Variants in F8 observed in about 807,000 individuals in gnomAD.
F8 encodes the protein antihemophilic factor.
A neutral mutation model predicts 140.6 loss-of-function variants in F8; 12 were observed. That is an observed-to-expected ratio of 0.09 (90% CI 0.05 to 0.14). The LOEUF is 0.14. Ranked by LOEUF, F8 falls within the 10% of genes least tolerant of loss-of-function variation. The pLI, the probability that F8 is intolerant of heterozygous loss-of-function variation, is 1.00. For synonymous variants in F8, 585 were observed against 614.6 expected (o/e 0.95, Z 0.71); for missense variants, 1,354 against 1,720.7 (o/e 0.79, Z 3.77).
chrX:154,986,014 T>C (rs1199362841), intron 5 of F8, among the ~76,000 whole-genome samples: 1 of 112,292 alleles, frequency 8.9e-6, no homozygotes, highest in Non-Finnish European at 1.9e-5. Context: ...AGCAGGCATC[T>C]AATCCAGACT....
intron 7 of F8, 62 bp from the exon 8 acceptor site, chrX:154,966,749 G>C: frequency 1.8e-6 from 2 of 1,130,262 alleles, no homozygotes; most frequent in Non-Finnish European, 2.4e-6. Flanking sequence ...TTCTATACCA[G>C]AGACTAGGTA....
chrX:155,009,070 CA>C (rs1383532668), intron 1 of F8, among the ~76,000 whole-genome samples: 2 of 110,817 alleles, frequency 1.8e-5, no homozygotes, highest in African/African-American at 6.6e-5. Flanking sequence ...GGAACACAAC[CA>C]GTAACATTAA....
At chrX:154,979,196 G>A (rs2073503586) in intron 6 of F8, among the ~76,000 whole-genome samples, 1 of 111,893 alleles carries the variant, frequency 8.9e-6, no homozygotes, top group Non-Finnish European at 1.9e-5. Flanking sequence ...ATCTCAAGTG[G>A]TCTGTGCTGG....
chrX:154,845,374 C>T (rs189914562), intron 25 of F8, among the ~76,000 whole-genome samples: 1 of 112,134 alleles, frequency 8.9e-6, no homozygotes, highest in East Asian at 2.8e-4. Context: ...ATGGTACCAG[C>T]TCCTCCTTGT....
intron 6 of F8, among the ~76,000 whole-genome samples, chrX:154,982,444 T>TC (rs1557283791): frequency 2.3e-5 from 1 of 43,464 alleles, no homozygotes; most frequent in Non-Finnish European, 3.5e-5. Flanking sequence ...AGACTCCGTC[T>TC]CAAAAAAAAA....
chrX:154,915,012 A>G (rs886064561), intron 14 of F8, among the ~76,000 whole-genome samples: 7 of 112,127 alleles, frequency 6.2e-5, no homozygotes, highest in Non-Finnish European at 1.1e-4. Flanking sequence ...ATTGACTCAC[A>G]GTTCCGCATT....
intron 21 of F8, among the ~76,000 whole-genome samples, chrX:154,896,536 CAT>C (rs1475270480): frequency 1.4e-4 from 15 of 107,180 alleles, no homozygotes; most frequent in East Asian, 5.8e-4. Context: ...CACACACACA[CAT>C]ACACACAAAC....
chrX:154,888,403 TTTTC>T (rs1557274890), intron 22 of F8, among the ~76,000 whole-genome samples: 3 of 86,047 alleles, frequency 3.5e-5, no homozygotes, highest in African/African-American at 5.3e-5. Context: ...TTTTTTTTTT[TTTTC>T]CCCCCGAGAT....
At chrX:154,983,934 C>A (rs1210087467) in intron 6 of F8, among the ~76,000 whole-genome samples, 2 of 111,978 alleles carry the variant, frequency 1.8e-5, no homozygotes, top group Non-Finnish European at 3.8e-5. Flanking sequence ...GGACAAATCT[C>A]CCCCCAGGGA....
intron 1 of F8, among the ~76,000 whole-genome samples, chrX:155,021,063 T>C (rs910289706): frequency 8.9e-6 from 1 of 112,298 alleles, no homozygotes; most frequent in Non-Finnish European, 1.9e-5. Flanking sequence ...ATTGACTAAA[T>C]TGTGATACAG....
chrX:154,974,848 C>T (rs1171122074), intron 6 of F8, among the ~76,000 whole-genome samples: 1 of 111,462 alleles, frequency 9.0e-6, no homozygotes, highest in Non-Finnish European at 1.9e-5. Context: ...TTATCCATTT[C>T]TTCTAGGCTT....
chrX:154,906,588 CA>C lies in F8; in HGVS notation c.5220-16del, dbSNP rs781814951. The C allele has an allele frequency of 3.1e-5, 37 of 1,206,027 alleles. No individual in the cohort carries two copies. Among genetic ancestry groups the C allele is most frequent in the Non-Finnish European group, 3.9e-5 (35 of 892,492 alleles). On this transcript the variant is annotated splice_polypyrimidine_tract_variant and intron_variant, in intron 14 of 25. Coordinates refer to ENST00000360256, the MANE Select transcript of F8 (RefSeq NM_000132.4). ...CACTCTGAGCCCTGGAGAAAAAAAGCAGAGGAAAAGCAATAATTTTATGTAC... is the reference window on the plus strand; with the variant it reads ...CACTCTGAGCCCTGGAGAAAAAAAGCGAGGAAAAGCAATAATTTTATGTAC...
intron 25 of F8, among the ~76,000 whole-genome samples, chrX:154,843,803 C>T (rs2148558524): frequency 8.9e-6 from 1 of 111,964 alleles, no homozygotes; most frequent in South Asian, 3.7e-4. Flanking sequence ...CATTAGATCC[C>T]ATTTGTCAAT....
At chrX:154,861,956 GTCA>G in intron 23 of F8, 90 bp from the exon 24 acceptor site, 1 of 939,219 alleles carries the variant, frequency 1.1e-6, no homozygotes, top group South Asian at 2.0e-5. Flanking sequence ...TAGGGCTACT[GTCA>G]TCATAATATC....
At chrX:154,998,967 T>C (rs1331115958) in intron 2 of F8, among the ~76,000 whole-genome samples, 2 of 111,287 alleles carry the variant, frequency 1.8e-5, no homozygotes, top group Non-Finnish European at 3.8e-5. Context: ...GGGACAGGCC[T>C]CCCACTCCCC....
intron 14 of F8, among the ~76,000 whole-genome samples, chrX:154,922,755 G>A (rs1462195184): frequency 9.0e-6 from 1 of 111,475 alleles, no homozygotes; most frequent in Non-Finnish European, 1.9e-5. Flanking sequence ...AGAACAAGGA[G>A]GTCAGTGTGG....
intron 22 of F8, among the ~76,000 whole-genome samples, chrX:154,867,267 G>A (rs782761087): frequency 7.2e-5 from 8 of 111,717 alleles, no homozygotes; most frequent in Admixed American, 1.9e-4. Flanking sequence ...AACATTCAAC[G>A]AAGTATTAAT....
chrX:154,839,394 G>A (rs935033331), intron 25 of F8, among the ~76,000 whole-genome samples: 25 of 102,103 alleles, frequency 2.4e-4, no homozygotes, highest in African/African-American at 9.2e-4. Flanking sequence ...ACGGAGTCTC[G>A]CTCTGTCGCC....
chrX:154,946,392 A>G (rs1364918401), intron 13 of F8, among the ~76,000 whole-genome samples: 3 of 112,140 alleles, frequency 2.7e-5, no homozygotes, highest in Non-Finnish European at 5.6e-5. Context: ...ATGCCAGTGG[A>G]ACACGACAGA....
Sources: gnomAD v4.1 joint callset for allele counts (sites outside exome capture counted in the v4.1 genomes callset) on GRCh38, gnomAD v4.1.1 for gene constraint, MANE v1.5 for transcripts, NCBI Gene and HGNC (gene_info 2026-07-23, HGNC 2026-07-21) for gene names.